The following RBM20 variants were observed in gnomAD, a reference collection of about 807,000 sequenced individuals.
RBM20 encodes RNA-binding protein 20.
Under a neutral mutation model 110.1 loss-of-function variants are expected in RBM20, and 51 were observed. That is an observed-to-expected ratio of 0.46 (90% CI 0.37 to 0.59). The LOEUF is 0.59. Among genes scored for constraint, RBM20 ranks in the 20% least tolerant of loss-of-function variants. The pLI is 0.00. For synonymous variants in RBM20, 589 were observed against 618.2 expected (o/e 0.95, Z 0.70); for missense variants, 1,512 against 1,574.9 (o/e 0.96, Z 0.68).
At chr10:110,787,438 G>A (rs1191924555) in intron 5 of RBM20, among the ~76,000 whole-genome samples, 1 of 152,206 alleles carries the variant, frequency 6.6e-6, no homozygotes, top group Non-Finnish European at 1.5e-5. Context: ...CATTTTGGCT[G>A]TGAAGAGTCG....
intron 12 of RBM20, chr10:110,827,738 C>G (rs1262994392): frequency 3.9e-5 from 6 of 152,102 alleles, no homozygotes; most frequent in African/African-American, 1.4e-4. Context: ...TAAGGGTTGT[C>G]TATTATTATT....
intron 11 of RBM20, among the ~76,000 whole-genome samples, chr10:110,822,208 G>A (rs1844923556): frequency 6.6e-6 from 1 of 152,198 alleles, no homozygotes; most frequent in Non-Finnish European, 1.5e-5. Context: ...ATTTACAGGA[G>A]CCCAGATGGA....
intron 1 of RBM20, among the ~76,000 whole-genome samples, chr10:110,752,953 T>A (rs1352640228): frequency 1.2e-4 from 16 of 137,504 alleles, no homozygotes; most frequent in Non-Finnish European, 2.1e-4. Flanking sequence ...ATATTTTTTT[T>A]TTTTTTATGA....
chr10:110,752,765 C>T (rs952098257), intron 1 of RBM20, among the ~76,000 whole-genome samples: 3 of 151,868 alleles, frequency 2.0e-5, no homozygotes, highest in African/African-American at 4.8e-5. Context: ...CAGAAGCCCT[C>T]GAGGGTCCCT....
At chr10:110,820,621 G>GA (rs1844896172) in intron 10 of RBM20, among the ~76,000 whole-genome samples, 1 of 152,170 alleles carries the variant, frequency 6.6e-6, no homozygotes, top group Admixed American at 6.5e-5. Flanking sequence ...TAATTAAAAT[G>GA]AAAAAATCCA....
chr10:110,737,429 A>G (rs1417951383), intron 1 of RBM20, among the ~76,000 whole-genome samples: 3 of 152,140 alleles, frequency 2.0e-5, no homozygotes, highest in Middle Eastern at 3.2e-3. Flanking sequence ...GTCCTAAAGT[A>G]TAATGTATAG....
chr10:110,835,835 C>G, intron 13 of RBM20, 33 bp from the exon 14 acceptor site: 1 of 1,548,596 alleles, frequency 6.5e-7, no homozygotes, highest in Non-Finnish European at 8.7e-7. Context: ...TACTAACATG[C>G]CCCTTCCTCC....
At chr10:110,780,160 A>G (rs1273635977) in intron 1 of RBM20, among the ~76,000 whole-genome samples, 1 of 152,142 alleles carries the variant, frequency 6.6e-6, no homozygotes, top group Non-Finnish European at 1.5e-5. Context: ...AATGTCCTAA[A>G]TGTTACATAA....
rs187604104 is a variant in RBM20 at position 110,691,035 on chromosome 10, T to C, written c.191+46390T>C. ...CCCCCCATGTGATGGTATTAGGAGATGAGGTCTTTGGGAGGCTGTGGAGCC... is the reference window on the plus strand; with the variant it reads ...CCCCCCATGTGATGGTATTAGGAGACGAGGTCTTTGGGAGGCTGTGGAGCC... On this transcript the variant is annotated intron_variant, in intron 1 of 13. Transcript: ENST00000369519. 2.5e-3 allele frequency among the ~76,000 whole-genome samples: 379 copies of C among 152,366 alleles called. 1 individual carries two copies. Among genetic ancestry groups the C allele is most frequent in the Non-Finnish European group, 4.1e-3 (279 of 68,038 alleles).
intron 1 of RBM20, among the ~76,000 whole-genome samples, chr10:110,649,732 T>C (rs1051896179): frequency 1.3e-5 from 2 of 152,172 alleles, no homozygotes; most frequent in African/African-American, 4.8e-5. Flanking sequence ...TTTAGAGTGT[T>C]GAAAAGTTTT....
intron 9 of RBM20, among the ~76,000 whole-genome samples, chr10:110,817,763 G>C (rs1358709334): frequency 6.6e-6 from 1 of 152,214 alleles, no homozygotes; most frequent in African/African-American, 2.4e-5. Context: ...AGTATTGACT[G>C]GGTGAAAAGG....
In RBM20 at chr10:110,818,223, G is replaced by A. The variant is rs147620838; in HGVS notation, c.2551-1849G>A. The stretch of plus-strand genomic sequence containing the variant: ...GCAGAATTGCTTGAACCCAGGAGGC[G>A]GAGATTGCGGTGAGCCGAGATCATG... On this transcript the variant is annotated intron_variant, in intron 9 of 13. Coordinates refer to ENST00000369519, the MANE Select transcript of RBM20 (RefSeq NM_001134363.3). Among the ~76,000 whole-genome samples, 1,228 of 149,206 alleles carry A rather than the reference G, an allele frequency of 8.2e-3. 13 individuals carry two copies. Among genetic ancestry groups the A allele is most frequent in the African/African-American group, 0.025 (1,012 of 41,000 alleles).
intron 1 of RBM20, among the ~76,000 whole-genome samples, chr10:110,773,724 G>A (rs975062012): frequency 2.0e-5 from 3 of 152,148 alleles, no homozygotes; most frequent in African/African-American, 7.2e-5. Flanking sequence ...TTTGCTGCAG[G>A]ATCAGTTCTC....
At chr10:110,786,424 C>T (rs936893328) in intron 5 of RBM20, among the ~76,000 whole-genome samples, 6 of 152,180 alleles carry the variant, frequency 3.9e-5, no homozygotes, top group Non-Finnish European at 5.9e-5. Context: ...AGTGAGTAAG[C>T]GGAAAAGCGA....
intron 9 of RBM20, among the ~76,000 whole-genome samples, chr10:110,818,668 G>A (rs529290869): frequency 7.2e-5 from 11 of 152,374 alleles, no homozygotes; most frequent in African/African-American, 1.4e-4. Flanking sequence ...CTTTCAGCCC[G>A]GCTAGCAAGA....
chr10:110,823,348 G>A, intron 11 of RBM20, 132 bp from the exon 12 acceptor site: 5 of 1,181,416 alleles, frequency 4.2e-6, no homozygotes, highest in Non-Finnish European at 5.8e-6. Flanking sequence ...CCAGCCTTAT[G>A]TGATTAAGCA....
chr10:110,836,181 G>A lies in RBM20; in HGVS notation c.*203G>A. On this transcript the variant is annotated 3_prime_UTR_variant, in exon 14 of 14. Coordinates refer to ENST00000369519, the MANE Select transcript of RBM20 (RefSeq NM_001134363.3). ...GGAGCAAGTCACCCAGGTGTGTCCAGCCCACTGAGGGTCACCAACTCTCTC... is the reference window on the plus strand; with the variant it reads ...GGAGCAAGTCACCCAGGTGTGTCCAACCCACTGAGGGTCACCAACTCTCTC... The A allele has an allele frequency of 2.6e-6, 1 of 391,960 alleles. No individual in the cohort carries two copies. Among genetic ancestry groups the A allele is most frequent in the Non-Finnish European group, 4.5e-6 (1 of 221,314 alleles). 24.3% of individuals were successfully genotyped at this position (391,960 alleles called of 1,614,324 possible).
chr10:110,782,182 T>A (rs1366259125), intron 2 of RBM20, among the ~76,000 whole-genome samples: 1 of 152,206 alleles, frequency 6.6e-6, no homozygotes, highest in East Asian at 1.9e-4. Flanking sequence ...GAGAAGGGGC[T>A]CAGGAGTTTC....
chr10:110,820,242 C>G (rs1844891163), intron 10 of RBM20, 66 bp downstream of exon 10: 2 of 1,078,726 alleles, frequency 1.9e-6, no homozygotes, highest in Non-Finnish European at 2.8e-6. Flanking sequence ...CCCCCTTTTG[C>G]CTGGTGATGT....
Sources: gnomAD v4.1 joint callset for allele counts (sites outside exome capture counted in the v4.1 genomes callset) on GRCh38, gnomAD v4.1.1 for gene constraint, MANE v1.5 for transcripts, NCBI Gene and HGNC (gene_info 2026-07-23, HGNC 2026-07-21) for gene names.